Variants in MOB1B observed in about 807,000 individuals in gnomAD.
MOB1B encodes MOB1 Mps One Binder homolog B.
A neutral mutation model predicts 24.4 loss-of-function variants in MOB1B; 19 were observed. That is an observed-to-expected ratio of 0.78 (90% CI 0.54 to 1.14). The LOEUF (loss-of-function observed/expected upper bound fraction) is 1.14. MOB1B is among the 50% of genes most tolerant of loss of function. The probability of loss-of-function intolerance (pLI) is 0.00; values close to 1 mark genes in which losing one functional copy is unlikely to be tolerated. For synonymous variants in MOB1B, 76 were observed against 82.1 expected (o/e 0.93, Z 0.40); for missense variants, 243 against 259.6 (o/e 0.94, Z 0.44).
intron 1 of MOB1B, among the ~76,000 whole-genome samples, chr4:70,912,289 T>G (rs1246563068): frequency 6.6e-6 from 1 of 151,566 alleles, no homozygotes; most frequent in East Asian, 1.9e-4. Context: ...TTAAATTTTT[T>G]TTTTTTTTGA....
Position 70,939,075 on chromosome 4 carries a change from G to A in MOB1B, c.15-19799G>A, listed in dbSNP as rs532682671. Reference sequence around the variant, plus strand: ...GTTGGAAAAAGGAAATATCAAATTTGTTGAAAAAAGATTTTAAGAATATCT... The same window carrying A: ...GTTGGAAAAAGGAAATATCAAATTTATTGAAAAAAGATTTTAAGAATATCT... On this transcript the variant is annotated intron_variant, in intron 1 of 5. Coordinates refer to ENST00000309395, the MANE Select transcript of MOB1B (RefSeq NM_173468.4). Among the ~76,000 whole-genome samples, 182 of 152,268 alleles carry A rather than the reference G, an allele frequency of 1.2e-3. 2 individuals carry two copies. The highest frequency in any genetic ancestry group is 1.6e-3 in the Admixed American group (25 of 15,300).
intron 2 of MOB1B, among the ~76,000 whole-genome samples, chr4:70,962,132 G>A (rs1429077940): frequency 1.3e-5 from 2 of 152,162 alleles, no homozygotes; most frequent in African/African-American, 2.4e-5. Context: ...GCTGAGGTGG[G>A]AGGATGGCTC....
At chr4:70,924,059 G>C (rs1465764184) in intron 1 of MOB1B, among the ~76,000 whole-genome samples, 1 of 151,922 alleles carries the variant, frequency 6.6e-6, no homozygotes, top group Non-Finnish European at 1.5e-5. Flanking sequence ...TGGGGGAAAG[G>C]TATTTTAAGG....
At chr4:70,941,530 A>G (rs1737340150) in intron 1 of MOB1B, among the ~76,000 whole-genome samples, 2 of 151,822 alleles carry the variant, frequency 1.3e-5, no homozygotes, top group African/African-American at 4.8e-5. Flanking sequence ...TTTGGTAGAG[A>G]CGGGGTTTCA....
intron 2 of MOB1B, among the ~76,000 whole-genome samples, chr4:70,965,655 G>A (rs1427321428): frequency 6.6e-6 from 1 of 150,944 alleles, no homozygotes; most frequent in East Asian, 1.9e-4. Context: ...AAATTCTCTG[G>A]GCGTGGTGGC....
At chr4:70,934,317 C>A (rs926768734) in intron 1 of MOB1B, among the ~76,000 whole-genome samples, 1 of 150,022 alleles carries the variant, frequency 6.7e-6, no homozygotes, top group Non-Finnish European at 1.5e-5. Context: ...AACTCCTGGC[C>A]TCAAGTGATT....
At chr4:70,914,858 T>C (rs10002884) in intron 1 of MOB1B, among the ~76,000 whole-genome samples, 3,054 of 152,262 alleles carry the variant, frequency 0.02, 38 homozygotes, top group Middle Eastern at 0.048. Flanking sequence ...CCACCTCCTC[T>C]CCTTGGGGCT....
intron 1 of MOB1B, among the ~76,000 whole-genome samples, chr4:70,938,197 G>A (rs1343060458): frequency 6.6e-6 from 1 of 151,686 alleles, no homozygotes; most frequent in Non-Finnish European, 1.5e-5. Context: ...CATGAGTGTG[G>A]AGGGTTTATC....
At chr4:70,969,577 C>A (rs1329700861) in intron 2 of MOB1B, among the ~76,000 whole-genome samples, 1 of 152,176 alleles carries the variant, frequency 6.6e-6, no homozygotes, top group Non-Finnish European at 1.5e-5. Flanking sequence ...CATTTGACCA[C>A]CTGGAAATTT....
chr4:70,978,234 C>T (rs1739076891), intron 4 of MOB1B, among the ~76,000 whole-genome samples: 1 of 152,132 alleles, frequency 6.6e-6, no homozygotes, highest in Non-Finnish European at 1.5e-5. Context: ...CCTCCAGGTC[C>T]ATCTATGTTG....
At chr4:70,945,404 C>T (rs1455260428) in intron 1 of MOB1B, among the ~76,000 whole-genome samples, 4 of 152,118 alleles carry the variant, frequency 2.6e-5, no homozygotes, top group African/African-American at 9.7e-5. Flanking sequence ...TCTATAGCCT[C>T]GTACTGTAAT....
intron 1 of MOB1B, among the ~76,000 whole-genome samples, chr4:70,920,206 CTCCTCTTCCTCTTCCTCCTCCTCCTCT>C (rs1736369253): frequency 6.6e-6 from 1 of 151,800 alleles, no homozygotes; most frequent in African/African-American, 2.4e-5. Context: ...TTGATTTAAG[CTCCTCTTCCTCTTCCTCCTCCTCCTCT>C]TCCTCTTCCT....
At chr4:70,923,902 G>T (rs1269081802) in intron 1 of MOB1B, among the ~76,000 whole-genome samples, 2 of 132,610 alleles carry the variant, frequency 1.5e-5, no homozygotes, top group African/African-American at 3.0e-5. Flanking sequence ...AGCCGAGATC[G>T]CACCACTGCA....
rs187727308 is a variant in MOB1B at position 70,909,029 on chromosome 4, C to T, written c.14+6479C>T. ...TTGTGCCATTGCACTCTAGTCTGGG[C>T]GACAGAGTGAGACTCCATCTCAAAA... On this transcript the variant is annotated intron_variant, in intron 1 of 5. Transcript: ENST00000309395. Among the ~76,000 whole-genome samples the T allele has an allele frequency of 6.1e-3, 885 of 145,050 alleles. 14 individuals carry two copies. The East Asian group carries it at 0.064, about 10-fold the overall frequency.
chr4:70,935,712 C>T (rs1737056516), intron 1 of MOB1B, among the ~76,000 whole-genome samples: 1 of 151,692 alleles, frequency 6.6e-6, no homozygotes, highest in Non-Finnish European at 1.5e-5. Flanking sequence ...AGCTGGAGTG[C>T]AGTGGCTCAC....
intron 1 of MOB1B, among the ~76,000 whole-genome samples, chr4:70,944,590 T>G (rs1350668208): frequency 6.6e-6 from 1 of 152,150 alleles, no homozygotes; most frequent in Admixed American, 6.6e-5. Context: ...CTGGGTAATT[T>G]ATAAGAAAAG....
intron 1 of MOB1B, among the ~76,000 whole-genome samples, chr4:70,906,416 T>C (rs1419965067): frequency 6.6e-6 from 1 of 152,080 alleles, no homozygotes; most frequent in African/African-American, 2.4e-5. Context: ...CTGATGTGGA[T>C]GTTGGGCACC....
intron 3 of MOB1B, among the ~76,000 whole-genome samples, chr4:70,974,029 CA>C (rs1738877117): frequency 6.6e-6 from 1 of 152,170 alleles, no homozygotes; most frequent in Non-Finnish European, 1.5e-5. Flanking sequence ...AGAAGTTAAG[CA>C]GCAGGAGTAA....
rs1481957480 is a variant in MOB1B, at chr4:70,987,955, C to T, written c.*5898C>T. ...CGGATTATGCAAATTGTAGTTGTTA[C>T]TGATCAAAGTTTAATTGCTTCATTT... is the stretch of plus-strand genomic sequence containing the variant. On this transcript the variant is annotated 3_prime_UTR_variant, in exon 6 of 6. Coordinates refer to ENST00000309395, the MANE Select transcript of MOB1B (RefSeq NM_173468.4). 1 of 152,564 alleles carries T rather than the reference C, an allele frequency of 6.6e-6. No homozygotes were observed. Among genetic ancestry groups the T allele is most frequent in the Non-Finnish European group, 1.5e-5 (1 of 68,022 alleles). 9.5% of individuals were successfully genotyped at this position (152,564 alleles called of 1,614,324 possible). A position where few individuals can be genotyped will look rare whatever the true frequency, so the allele number is the denominator to read the frequency against.
Sources: gnomAD v4.1 joint callset for allele counts (sites outside exome capture counted in the v4.1 genomes callset) on GRCh38, gnomAD v4.1.1 for gene constraint, MANE v1.5 for transcripts, NCBI Gene and HGNC (gene_info 2026-07-23, HGNC 2026-07-21) for gene names.